The following DAB2 variants were observed in gnomAD, a reference collection of about 807,000 sequenced individuals.
DAB2 encodes DAB adaptor protein 2, also known as disabled homolog 2.
DAB2 carries 28 observed loss-of-function variants against 71.6 expected under a neutral mutation model. The observed-to-expected ratio is 0.39, with a 90% CI of 0.29 to 0.54. DAB2 has a LOEUF of 0.54. Ranked by LOEUF, DAB2 falls within the 20% of genes least tolerant of loss-of-function variation. The pLI, the probability that DAB2 is intolerant of heterozygous loss-of-function variation, is 0.68. For missense variants in DAB2, 867 were observed against 928.8 expected (o/e 0.93, Z 0.86); for synonymous variants, 345 against 339.7 (o/e 1.02, Z -0.17).
At chr5:39,409,564 T>A (rs1230825823) in intron 1 of DAB2, among the ~76,000 whole-genome samples, 1 of 152,228 alleles carries the variant, frequency 6.6e-6, no homozygotes, top group East Asian at 1.9e-4. Context: ...GAATTCTTTA[T>A]ATAAATCCAA....
rs778204637 is a variant in DAB2, at chr5:39,394,350, C to T, written c.-30G>A. 5.2e-5 allele frequency: 80 copies of T among 1,545,922 alleles called. No individual in the cohort carries two copies. Among genetic ancestry groups the T allele is most frequent in the Non-Finnish European group, 6.6e-5 (74 of 1,118,330 alleles). Reference sequence around the variant, plus strand: ...AGAAGGCAGGCAGCAAACCTCAGTACCAGTGGACACTTGGTGACACCAGGC... The same window carrying T: ...AGAAGGCAGGCAGCAAACCTCAGTATCAGTGGACACTTGGTGACACCAGGC... On this transcript the variant is annotated 5_prime_UTR_variant, in exon 2 of 15. Transcript: ENST00000320816.
intron 9 of DAB2, among the ~76,000 whole-genome samples, chr5:39,384,426 A>G (rs1432092066): frequency 6.6e-6 from 1 of 152,198 alleles, no homozygotes; most frequent in Non-Finnish European, 1.5e-5. Context: ...TCAAAATATT[A>G]TATTGTACCG....
chr5:39,386,091 C>A (rs1056832946), intron 9 of DAB2, among the ~76,000 whole-genome samples: 3 of 152,178 alleles, frequency 2.0e-5, no homozygotes, highest in Non-Finnish European at 4.4e-5. Flanking sequence ...GTCTTATATT[C>A]TTTCCATAGT....
At chr5:39,405,452 G>T (rs1561377138) in intron 1 of DAB2, among the ~76,000 whole-genome samples, 1 of 152,234 alleles carries the variant, frequency 6.6e-6, no homozygotes, top group Non-Finnish European at 1.5e-5. Context: ...GGAAACTACA[G>T]AGGTTAAAAA....
chr5:39,415,947 G>T (rs1379311116), intron 1 of DAB2, among the ~76,000 whole-genome samples: 1 of 152,168 alleles, frequency 6.6e-6, no homozygotes, highest in Non-Finnish European at 1.5e-5. Context: ...AGCTTAGAAT[G>T]AAGCTAAGAT....
At position 39,406,195 on chromosome 5, in the gene DAB2, A is replaced by T. The variant is rs925062651; in HGVS notation, c.-101-11774T>A. On this transcript the variant is annotated intron_variant, in intron 1 of 14. Transcript: ENST00000320816. The stretch of plus-strand genomic sequence containing the variant: ...CATAACAGGAAGGTAGGCAGTCTTA[A>T]CTAAAGACCTGGCACAAGCATTAGG... Among the ~76,000 whole-genome samples the T allele has an allele frequency of 5.3e-5, 8 of 152,272 alleles. No homozygotes were observed. In the East Asian group the frequency reaches 1.4e-3, roughly 26 times the overall value.
rs533614895 is a variant in DAB2 at position 39,384,941 on chromosome 5, G to C, written c.688-1670C>G. 4.6e-5 allele frequency among the ~76,000 whole-genome samples: 7 copies of C among 151,886 alleles called. No individual in the cohort carries two copies. The East Asian group carries it at 5.8e-4, about 13-fold the overall frequency. ...AAGGGAATATAAAATTTGCAAACTA[G>C]TAAATACAAAAGGGTTCAAATAGAA... On this transcript the variant is annotated intron_variant, in intron 9 of 14. Transcript: ENST00000320816.
intron 1 of DAB2, among the ~76,000 whole-genome samples, chr5:39,409,161 C>T (rs1561378541): frequency 6.6e-6 from 1 of 151,736 alleles, no homozygotes; most frequent in African/African-American, 2.4e-5. Flanking sequence ...AAAGCTGCTG[C>T]AGATTGAGTA....
intron 1 of DAB2, among the ~76,000 whole-genome samples, chr5:39,398,548 T>A (rs1321014377): frequency 6.6e-6 from 1 of 152,148 alleles, no homozygotes; most frequent in Non-Finnish European, 1.5e-5. Flanking sequence ...AGAAAATGGA[T>A]GTGTATGTTG....
At position 39,397,232 on chromosome 5, in the gene DAB2, C is replaced by A. The variant is rs147987465; in HGVS notation, c.-101-2811G>T. 2.6e-3 allele frequency among the ~76,000 whole-genome samples: 390 copies of A among 152,302 alleles called. 3 individuals are homozygous for A. Among genetic ancestry groups the A allele is most frequent in the African/African-American group, 9.1e-3 (379 of 41,552 alleles). On this transcript the variant is annotated intron_variant, in intron 1 of 14. Transcript: ENST00000320816. ...CTCATCATGCCTGTCCTGGAGACAT[C>A]AGCATCAGCCCTCTGGCATACTCTC...
intron 1 of DAB2, among the ~76,000 whole-genome samples, chr5:39,415,195 T>C (rs1479168579): frequency 6.6e-6 from 1 of 152,154 alleles, no homozygotes; most frequent in Non-Finnish European, 1.5e-5. Context: ...TTTTAAATTA[T>C]GACACAAATT....
intron 7 of DAB2, 86 bp downstream of exon 7, chr5:39,389,011 G>C (rs1263010033): frequency 7.3e-7 from 1 of 1,366,606 alleles, no homozygotes; most frequent in Non-Finnish European, 1.0e-6. Context: ...TAATAAGCGA[G>C]GTGGCGAGAG....
rs940424379 is a variant in DAB2 at position 39,383,124 on chromosome 5, C to T, written c.835G>A (p.Ala279Thr). 6.2e-7 allele frequency: 1 copy of T among 1,614,074 alleles called. No individual in the cohort carries two copies. Among genetic ancestry groups the T allele is most frequent in the Non-Finnish European group, 8.5e-7 (1 of 1,180,008 alleles). ...TPQASFLPEN[A>T]FSANLNFFPT... The stretch of plus-strand genomic sequence containing the variant: ...AAGAAGTTGAGATTGGCAGAAAAGG[C>T]ATTTTCAGGCAAGAAGGATGCCTGA... Residue 279 changes from alanine (A) to threonine (T), a missense_variant, in exon 10 of 15, where the codon GCC becomes ACC. Physicochemically the swap from Ala to Thr is moderately conservative, Grantham distance 58 (BLOSUM62 0). Transcript: ENST00000320816.
chr5:39,420,649 T>G (rs527576580), intron 1 of DAB2, among the ~76,000 whole-genome samples: 2 of 152,312 alleles, frequency 1.3e-5, no homozygotes, highest in African/African-American at 2.4e-5. Flanking sequence ...TTCCAGAAAT[T>G]TCATAAGCTT....
chr5:39,383,158 T>C lies in DAB2; in HGVS notation c.801A>G (p.Arg267=). The change falls in exon 10 of 15, where the codon CGA becomes CGG. Residue 267 remains arginine (R), a synonymous_variant. Coordinates refer to ENST00000320816, the MANE Select transcript of DAB2 (RefSeq NM_001343.4). ...TNGITSCSLP[R]PTPQASFLPE... The stretch of plus-strand genomic sequence containing the variant: ...GCAAGAAGGATGCCTGAGGCGTTGG[T>C]CGAGGAAGAGAACAGGAGGTGATGC... 6.2e-7 allele frequency: 1 copy of C among 1,614,084 alleles called. No individual in the cohort carries two copies. Among genetic ancestry groups the C allele is most frequent in the Non-Finnish European group, 8.5e-7 (1 of 1,180,000 alleles).
chr5:39,388,331 T>G lies in DAB2; in HGVS notation c.661A>C (p.Thr221Pro), dbSNP rs1561369786. ...DQMDLFGDMS[T>P]PPDLNSPTES... ...GTTGGACTATTTAGGTCAGGAGGTG[T>G]AGACATGTCCCCAAACAAATCCATC... Residue 221 changes from threonine (T) to proline (P), a missense_variant, in exon 9 of 15, where the codon ACA (threonine) becomes CCA (proline). By Grantham distance (38) the Thr-to-Pro change is conservative. Coordinates refer to ENST00000320816, the MANE Select transcript of DAB2 (RefSeq NM_001343.4). The G allele has an allele frequency of 6.2e-7, 1 of 1,612,810 alleles. No individual in the cohort carries two copies. Among genetic ancestry groups the G allele is most frequent in the Non-Finnish European group, 8.5e-7 (1 of 1,179,110 alleles).
intron 4 of DAB2, among the ~76,000 whole-genome samples, chr5:39,391,093 C>G (rs909526572): frequency 1.3e-5 from 2 of 152,168 alleles, no homozygotes; most frequent in Non-Finnish European, 2.9e-5. Context: ...AAGTGTTTCT[C>G]AGCCTCACCT....
At chr5:39,424,339 G>GA (rs1756053447) in intron 1 of DAB2, among the ~76,000 whole-genome samples, 1 of 151,978 alleles carries the variant, frequency 6.6e-6, no homozygotes, top group African/African-American at 2.4e-5. Context: ...CAGTCACCAG[G>GA]AAAAAGCTCC....
intron 1 of DAB2, among the ~76,000 whole-genome samples, chr5:39,407,679 C>T (rs1755637342): frequency 6.6e-6 from 1 of 152,204 alleles, no homozygotes; most frequent in South Asian, 2.1e-4. Flanking sequence ...CATCCACGTC[C>T]CTCTGTGACT....
Sources: gnomAD v4.1 joint callset for allele counts (sites outside exome capture counted in the v4.1 genomes callset) on GRCh38, gnomAD v4.1.1 for gene constraint, MANE v1.5 for transcripts, NCBI Gene and HGNC (gene_info 2026-07-23, HGNC 2026-07-21) for gene names.